Variants in MYO16 observed in about 807,000 individuals in gnomAD.
The protein encoded by MYO16 is unconventional myosin-XVI.
Under a neutral mutation model 205.3 loss-of-function variants are expected in MYO16, and 94 were observed. The observed-to-expected ratio is 0.46, with a 90% CI of 0.39 to 0.54. The LOEUF (loss-of-function observed/expected upper bound fraction) is 0.54, where lower values mean the gene tolerates loss of function less well. MYO16 is among the 20% of genes least tolerant of loss of function. MYO16 has a pLI of 0.00. For synonymous variants in MYO16, 988 were observed against 954.0 expected (o/e 1.04, Z -0.66); for missense variants, 2,315 against 2,387.5 (o/e 0.97, Z 0.63).
chr13:108,743,320 T>G (rs536277157), intron 4 of MYO16, among the ~76,000 whole-genome samples: 1 of 152,332 alleles, frequency 6.6e-6, no homozygotes, highest in South Asian at 2.1e-4. Flanking sequence ...CACTAAATTT[T>G]TCTATAAAAA....
chr13:108,591,474 T>C (rs1165769953), upstream of MYO16, among the ~76,000 whole-genome samples: 2 of 152,190 alleles, frequency 1.3e-5, no homozygotes, highest in Admixed American at 1.3e-4. Flanking sequence ...TCATAAATGG[T>C]TAATGTCTCC....
chr13:108,595,346 T>A (rs1261499394), upstream of MYO16, among the ~76,000 whole-genome samples: 2 of 152,100 alleles, frequency 1.3e-5, no homozygotes, highest in Non-Finnish European at 2.9e-5. Context: ...TGGAATCAGG[T>A]CAAATCTCCC....
At chr13:108,735,620 T>C (rs1206942927) in intron 4 of MYO16, among the ~76,000 whole-genome samples, 1 of 151,482 alleles carries the variant, frequency 6.6e-6, no homozygotes, top group Non-Finnish European at 1.5e-5. Flanking sequence ...CATGTGTCTT[T>C]ATAGCAGCAT....
intron 27 of MYO16, among the ~76,000 whole-genome samples, chr13:109,073,264 G>A (rs1326908445): frequency 8.4e-6 from 1 of 119,062 alleles, no homozygotes; most frequent in Admixed American, 9.4e-5. Context: ...ACCACTCCTG[G>A]CTAATTTTTT....
At chr13:108,698,968 A>C (rs1368844524) in intron 2 of MYO16, among the ~76,000 whole-genome samples, 1 of 152,074 alleles carries the variant, frequency 6.6e-6, no homozygotes, top group Non-Finnish European at 1.5e-5. Context: ...CACAAACAGC[A>C]CTGTGATACA....
chr13:108,812,034 G>A (rs1887309563), intron 7 of MYO16, among the ~76,000 whole-genome samples: 1 of 152,150 alleles, frequency 6.6e-6, no homozygotes, highest in Non-Finnish European at 1.5e-5. Context: ...CCCACCATAT[G>A]TGAGGTTAAA....
At chr13:108,833,977 A>G (rs1002625120) in intron 9 of MYO16, among the ~76,000 whole-genome samples, 1 of 152,168 alleles carries the variant, frequency 6.6e-6, no homozygotes, top group East Asian at 1.9e-4. Flanking sequence ...TCTATTACTA[A>G]TAATTTATTT....
chr13:108,641,426 A>G (rs534613745), intron 1 of MYO16, among the ~76,000 whole-genome samples: 39 of 152,214 alleles, frequency 2.6e-4, no homozygotes, highest in Non-Finnish European at 5.6e-4. Flanking sequence ...GTGGAAATCA[A>G]TTGGCCATTC....
chr13:108,989,940 C>T lies in MYO16; in HGVS notation c.2370-2436C>T, dbSNP rs151255669. 5.1e-3 allele frequency among the ~76,000 whole-genome samples: 772 copies of T among 152,156 alleles called. 10 individuals are homozygous for T. Among genetic ancestry groups the T allele is most frequent in the African/African-American group, 0.018 (736 of 41,510 alleles). On this transcript the variant is annotated intron_variant, in intron 20 of 34. Transcript: ENST00000457511. ...TTAGAACTTTGCATCACCTCTAATTCTAGCAATGATCTAGCTGGACAAATT... is the reference window on the plus strand; with the variant it reads ...TTAGAACTTTGCATCACCTCTAATTTTAGCAATGATCTAGCTGGACAAATT...
At chr13:109,011,498 C>CTTTTTTTTTTTTTTTTTTT (rs34575828) in intron 22 of MYO16, among the ~76,000 whole-genome samples, 55 of 129,908 alleles carry the variant, frequency 4.2e-4, no homozygotes, top group Non-Finnish European at 5.7e-4. Flanking sequence ...TTCTTCCTTT[C>CTTTTTTTTTTTTTTTTTTT]TTTTTTTTTT....
intron 31 of MYO16, among the ~76,000 whole-genome samples, chr13:109,139,766 T>C (rs1481425838): frequency 6.6e-6 from 1 of 152,188 alleles, no homozygotes; most frequent in Non-Finnish European, 1.5e-5. Flanking sequence ...TTACAATGCT[T>C]CTTCATACAA....
intron 4 of MYO16, among the ~76,000 whole-genome samples, chr13:108,754,379 A>C (rs182320121): frequency 1.3e-5 from 2 of 152,340 alleles, no homozygotes; most frequent in African/African-American, 4.8e-5. Flanking sequence ...GAGTGTTTAC[A>C]AGCTGAGCCC....
At position 108,925,777 on chromosome 13, in the gene MYO16, G is replaced by A. The variant is rs966740574; in HGVS notation, c.1925+15627G>A. Among the ~76,000 whole-genome samples the A allele has an allele frequency of 5.3e-5, 8 of 152,260 alleles. No homozygotes were observed. The East Asian group carries it at 1.2e-3, about 22-fold the overall frequency. On this transcript the variant is annotated intron_variant, in intron 16 of 34. Coordinates refer to ENST00000457511, the MANE Select transcript of MYO16 (RefSeq NM_001198950.3). ...CGCTCCCATCATCTCCCACCTGAAA[G>A]TCTTCAAGCCTTTCTGTTGGACTCC... is the stretch of plus-strand genomic sequence containing the variant.
the MYO16 span, among the ~76,000 whole-genome samples, chr13:108,528,910 C>G: frequency 3.3e-5 from 5 of 151,664 alleles, no homozygotes; most frequent in African/African-American, 1.2e-4. Context: ...AAGGTTTAGA[C>G]CAGTGTAGGG....
chr13:109,145,046 A>C (rs1476945934), intron 32 of MYO16, among the ~76,000 whole-genome samples: 3 of 152,234 alleles, frequency 2.0e-5, no homozygotes, highest in Non-Finnish European at 4.4e-5. Context: ...AGAGTGGTGG[A>C]CACACATATA....
intron 6 of MYO16, among the ~76,000 whole-genome samples, chr13:108,795,141 G>T (rs1378649841): frequency 6.6e-6 from 1 of 151,196 alleles, no homozygotes; most frequent in East Asian, 1.9e-4. Context: ...ATTTAGAAAA[G>T]TCTAACTTCA....
chr13:109,178,955 A>G (rs934058073), intron 33 of MYO16, among the ~76,000 whole-genome samples: 1 of 152,218 alleles, frequency 6.6e-6, no homozygotes, highest in Non-Finnish European at 1.5e-5. Flanking sequence ...TAAACCTACA[A>G]GTTACTCTGC....
intron 33 of MYO16, among the ~76,000 whole-genome samples, chr13:109,167,968 A>G (rs1016625092): frequency 6.6e-6 from 1 of 152,176 alleles, no homozygotes; most frequent in African/African-American, 2.4e-5. Context: ...ATAACTAAAA[A>G]GGCAGTAAAA....
Position 108,798,995 on chromosome 13 carries a change from G to A in MYO16, c.741+5355G>A, listed in dbSNP as rs887267995. On this transcript the variant is annotated intron_variant, in intron 6 of 34. Coordinates refer to ENST00000457511, the MANE Select transcript of MYO16 (RefSeq NM_001198950.3). The stretch of plus-strand genomic sequence containing the variant: ...GCTGGGATTACAGGCGTGAGCCACC[G>A]CGCCCGGCCCCCGAGGCTTATTTAT... 6.0e-5 allele frequency among the ~76,000 whole-genome samples: 9 copies of A among 150,534 alleles called. No individual in the cohort carries two copies. The South Asian group carries it at 1.5e-3, about 25-fold the overall frequency.
Sources: allele counts gnomAD v4.1 joint callset (sites outside exome capture counted in the v4.1 genomes callset), GRCh38; gene constraint gnomAD v4.1.1; transcripts MANE v1.5; gene names NCBI Gene and HGNC (gene_info 2026-07-23, HGNC 2026-07-21).